The following CD8B2 variants were observed in gnomAD, a reference collection of about 807,000 sequenced individuals.
The protein encoded by CD8B2 is CD8B family member 2.
CD8B2 carries 11 observed loss-of-function variants against 23.7 expected under a neutral mutation model. The ratio of observed to expected loss-of-function variants is 0.46; its 90% CI spans 0.29 to 0.77. The LOEUF (loss-of-function observed/expected upper bound fraction) is 0.77. Ranked by LOEUF, CD8B2 falls within the 30% of genes least tolerant of loss-of-function variation. The pLI is 0.09. For synonymous variants in CD8B2, 90 were observed against 109.3 expected (o/e 0.82, Z 1.10); for missense variants, 197 against 270.5 (o/e 0.73, Z 1.91).
chr2:106,542,836 T>C (rs1008191515), intron 5 of CD8B2, among the ~76,000 whole-genome samples: 1 of 152,004 alleles, frequency 6.6e-6, no homozygotes, highest in African/African-American at 2.4e-5. Context: ...AGTGAATACA[T>C]GTGCGCCCAT....
chr2:106,534,032 A>G (rs1166920340), intron 5 of CD8B2, among the ~76,000 whole-genome samples: 1 of 152,224 alleles, frequency 6.6e-6, no homozygotes, highest in Non-Finnish European at 1.5e-5. Context: ...AAATTTTCAC[A>G]TGGAACTTCA....
intron 3 of CD8B2, among the ~76,000 whole-genome samples, 159 bp from the exon 4 acceptor site, chr2:106,502,315 A>G (rs1237310835): frequency 1.6e-5 from 2 of 127,604 alleles, no homozygotes; most frequent in Non-Finnish European, 3.4e-5. Context: ...AAAAAAAAAA[A>G]AAAAGACTTG....
chr2:106,511,683 G>C (rs1381347885), downstream of CD8B2, among the ~76,000 whole-genome samples: 1 of 152,158 alleles, frequency 6.6e-6, no homozygotes, highest in Non-Finnish European at 1.5e-5. Flanking sequence ...CAGTCAAAGG[G>C]AAAGACAGAA....
intron 5 of CD8B2, among the ~76,000 whole-genome samples, chr2:106,536,593 A>G (rs6733787): frequency 0.045 from 6,857 of 152,320 alleles, 210 homozygotes; most frequent in Middle Eastern, 0.12. Flanking sequence ...TGTATCAAGT[A>G]TATTCAGCTT....
intron 1 of CD8B2, among the ~76,000 whole-genome samples, chr2:106,490,397 C>T (rs549171405): frequency 6.6e-6 from 1 of 152,242 alleles, no homozygotes; most frequent in African/African-American, 2.4e-5. Flanking sequence ...TGTGGTGGTA[C>T]ATGCCTATAG....
At chr2:106,539,829 A>G (rs1680144941) in intron 5 of CD8B2, among the ~76,000 whole-genome samples, 1 of 152,070 alleles carries the variant, frequency 6.6e-6, no homozygotes, top group Admixed American at 6.6e-5. Flanking sequence ...GCCAAGTGGG[A>G]AAAAAAAGTG....
At position 106,492,237 on chromosome 2, in the gene CD8B2, C is replaced by T. The variant is rs192815164; in HGVS notation, c.403+1004C>T. ...CATGACCCACTTAATCCCAGAGAAG[C>T]TGCAGACCTCTGACTTAAATCAGCA... On this transcript the variant is annotated intron_variant, in intron 2 of 5. Coordinates refer to ENST00000643224, the MANE Select transcript of CD8B2 (RefSeq NM_001349727.2). Among the ~76,000 whole-genome samples the T allele has an allele frequency of 2.3e-4, 35 of 152,212 alleles. No homozygotes were observed. In the East Asian group the frequency reaches 4.8e-3, roughly 21 times the overall value.
In CD8B2 at chr2:106,508,356, A is replaced by G. The variant is rs1679554170; in HGVS notation, c.*1416A>G. On this transcript the variant is annotated 3_prime_UTR_variant, in exon 6 of 6. Transcript: ENST00000643224. The stretch of plus-strand genomic sequence containing the variant: ...AATGTTACAAAAAAAACAGGAAAGG[A>G]AAGACGACTCTGGGGAAGGGGCAGT... The G allele has an allele frequency of 1.3e-5, 2 of 152,050 alleles. No individual in the cohort carries two copies. Among genetic ancestry groups the G allele is most frequent in the Admixed American group, 6.5e-5 (1 of 15,272 alleles). The allele number at this position is 152,050 out of a possible 1,614,324, so 9.4% of individuals were successfully genotyped here. A position where few individuals can be genotyped will look rare whatever the true frequency, so the allele number is the denominator to read the frequency against.
chr2:106,534,632 C>T (rs149645842), intron 5 of CD8B2, among the ~76,000 whole-genome samples: 38 of 152,264 alleles, frequency 2.5e-4, no homozygotes, highest in African/African-American at 9.1e-4. Context: ...GGGACCAGAG[C>T]TAGCCCTTTT....
At chr2:106,538,277 G>T (rs189311121) in intron 5 of CD8B2, among the ~76,000 whole-genome samples, 1 of 152,294 alleles carries the variant, frequency 6.6e-6, no homozygotes, top group Admixed American at 6.5e-5. Context: ...GGAAGGTTTA[G>T]GCTGTGAAGG....
chr2:106,521,557 T>G (rs1679826436), intron 5 of CD8B2: 1 of 152,186 alleles, frequency 6.6e-6, no homozygotes, highest in African/African-American at 2.4e-5. Flanking sequence ...CTTATATCAC[T>G]CCAATCAGAT....
rs76712017 is a variant in CD8B2 at position 106,537,028 on chromosome 2, G to A, written c.621-6964G>A. Among the ~76,000 whole-genome samples the A allele has an allele frequency of 2.9e-4, 44 of 152,308 alleles. No homozygotes were observed. In the East Asian group the frequency reaches 7.4e-3, roughly 25 times the overall value. On this transcript the variant is annotated intron_variant, in intron 5 of 5. Coordinates refer to the CD8B2 transcript ENST00000416057. ...TTCTCCAATAGGACACATCTGTGCT[G>A]TTGGCTCTAGGTGCCCTTTGTCTGT...
Position 106,517,391 on chromosome 2 carries a change from G to C in CD8B2, c.620+13066G>C, listed in dbSNP as rs201855424. ...TGATTTCTCGCTTCTTTCTGCTTAG[G>C]CCCTGCTGACATTTTTGTTTCTTTA... is the stretch of plus-strand genomic sequence containing the variant. On this transcript the variant is annotated intron_variant, in intron 5 of 5. Transcript: ENST00000416057. Among the ~76,000 whole-genome samples, 67 of 152,026 alleles carry C rather than the reference G, an allele frequency of 4.4e-4. 1 individual carries two copies. In the East Asian group the frequency reaches 0.011, roughly 24 times the overall value.
intron 5 of CD8B2, among the ~76,000 whole-genome samples, chr2:106,518,621 T>C (rs981467380): frequency 3.3e-5 from 5 of 152,196 alleles, no homozygotes; most frequent in African/African-American, 1.2e-4. Context: ...AATTAATTAA[T>C]TCATCTCTCC....
At chr2:106,531,419 C>T (rs576886485) in intron 5 of CD8B2, among the ~76,000 whole-genome samples, 5 of 152,282 alleles carry the variant, frequency 3.3e-5, no homozygotes, top group African/African-American at 1.2e-4. Flanking sequence ...GGGCAGGTGC[C>T]TCTATTTTTG....
intron 5 of CD8B2, among the ~76,000 whole-genome samples, chr2:106,537,180 C>A (rs1033638099): frequency 3.3e-5 from 5 of 152,106 alleles, no homozygotes; most frequent in South Asian, 4.1e-4. Flanking sequence ...GGGCTTCCCC[C>A]CAAATGCTGC....
chr2:106,510,046 T>C lies in CD8B2; in HGVS notation c.*3106T>C, dbSNP rs1558880495. ...ATCCATATATGCTGATATCAAATGA[T>C]GGTCATGACAAATGCATATATTTTT... On this transcript the variant is annotated 3_prime_UTR_variant, in exon 6 of 6. Coordinates refer to ENST00000643224, the MANE Select transcript of CD8B2 (RefSeq NM_001349727.2). The C allele has an allele frequency of 6.6e-6, 1 of 152,226 alleles. No homozygotes were observed. The highest frequency in any genetic ancestry group is 1.9e-4 in the East Asian group (1 of 5,200). 9.4% of individuals were successfully genotyped at this position (152,226 alleles called of 1,614,324 possible).
chr2:106,488,873 C>T (rs1188856849), intron 1 of CD8B2, among the ~76,000 whole-genome samples: 1 of 152,136 alleles, frequency 6.6e-6, no homozygotes, highest in African/African-American at 2.4e-5. Context: ...AGTGAGTGAC[C>T]CAAAGCAAGG....
downstream of CD8B2, among the ~76,000 whole-genome samples, chr2:106,512,402 C>T (rs1186318470): frequency 6.6e-6 from 1 of 151,750 alleles, no homozygotes; most frequent in African/African-American, 2.4e-5. Context: ...AATTGTAGAC[C>T]ATTTCCACTC....
Sources: gnomAD v4.1 joint callset for allele counts (sites outside exome capture counted in the v4.1 genomes callset) on GRCh38, gnomAD v4.1.1 for gene constraint, MANE v1.5 for transcripts, NCBI Gene and HGNC (gene_info 2026-07-23, HGNC 2026-07-21) for gene names.